Variants in MRRF observed in about 807,000 individuals in gnomAD.
MRRF encodes the protein ribosome-recycling factor, mitochondrial.
In MRRF, 18 loss-of-function variants were observed where a neutral mutation model predicts 25.1. That is an observed-to-expected ratio of 0.72 (90% CI 0.50 to 1.06). The LOEUF (loss-of-function observed/expected upper bound fraction) is 1.06. Ranked by LOEUF, MRRF falls within the 50% of genes least tolerant of loss-of-function variation. The probability of loss-of-function intolerance (pLI) is 0.00; values close to 1 mark genes in which losing one functional copy is unlikely to be tolerated. For synonymous variants in MRRF, 113 were observed against 112.1 expected (o/e 1.01, Z -0.05); for missense variants, 323 against 319.3 (o/e 1.01, Z -0.09).
At chr9:122,270,781 A>G in intron 1 of MRRF, 83 bp from the exon 2 acceptor site, 2 of 1,029,520 alleles carry the variant, frequency 1.9e-6, no homozygotes, top group South Asian at 1.3e-5. Context: ...GAGTTGCTTG[A>G]TAATTGGTAC....
At chr9:122,318,964 G>A (rs10985595) in intron 6 of MRRF, among the ~76,000 whole-genome samples, 1 of 151,814 alleles carries the variant, frequency 6.6e-6, no homozygotes, top group Admixed American at 6.6e-5. Flanking sequence ...TCTCCCCAGT[G>A]TTGTGACTTT....
chr9:122,325,237 C>CTG lies in MRRF; in HGVS notation c.*2626_*2627dup, dbSNP rs1309758245. On this transcript the variant is annotated 3_prime_UTR_variant, in exon 7 of 7. Transcript: ENST00000344641. ...GTTCCACATGTCAACAATTTCTCTC[C>CTG]TGTGTGTATGTTGGCCAAAGCTGTA... The CTG allele has an allele frequency of 1.3e-5, 2 of 152,248 alleles. No homozygotes were observed. Among genetic ancestry groups the CTG allele is most frequent in the East Asian group, 3.9e-4 (2 of 5,194 alleles). The allele number at this position is 152,248 out of a possible 1,614,324, so 9.4% of individuals were successfully genotyped here.
chr9:122,276,698 T>C (rs1832794862), intron 2 of MRRF, among the ~76,000 whole-genome samples: 1 of 152,210 alleles, frequency 6.6e-6, no homozygotes. Context: ...TCATAGAAGG[T>C]CCAAGTGTGC....
In MRRF at chr9:122,325,419, A is replaced by G. The variant is rs1173964160; in HGVS notation, c.*2802A>G. On this transcript the variant is annotated 3_prime_UTR_variant, in exon 7 of 7. Transcript: ENST00000344641. ...TAGTGGTGACAGGGACAAGAATGAG[A>G]CTACCTGTTTGGATGTGCTGAGAAT... is the stretch of plus-strand genomic sequence containing the variant. 3 of 152,224 alleles carry G rather than the reference A, an allele frequency of 2.0e-5. No homozygotes were observed. Among genetic ancestry groups the G allele is most frequent in the African/African-American group, 7.2e-5 (3 of 41,456 alleles). The allele number at this position is 152,224 out of a possible 1,614,324, so 9.4% of individuals were successfully genotyped here.
chr9:122,307,396 C>G (rs1834918134), intron 5 of MRRF, among the ~76,000 whole-genome samples: 2 of 152,230 alleles, frequency 1.3e-5, no homozygotes, highest in Non-Finnish European at 2.9e-5. Flanking sequence ...CCATTGCCTT[C>G]TGCTCTCCTC....
At chr9:122,318,782 A>C (rs1331441118) in intron 6 of MRRF, among the ~76,000 whole-genome samples, 3 of 152,158 alleles carry the variant, frequency 2.0e-5, no homozygotes, top group South Asian at 2.1e-4. Context: ...TGGCTCTTTT[A>C]CTTCTTAGCT....
Position 122,327,623 on chromosome 9 carries a change from T to C in MRRF, c.*5006T>C, listed in dbSNP as rs1445447490. On this transcript the variant is annotated 3_prime_UTR_variant, in exon 7 of 7. Transcript: ENST00000344641. Reference sequence around the variant, plus strand: ...AGTGGTGTGTTTCAGACCCCTGCTATTAACATTTCTGTTCCTTCTTGCATT... The same window carrying C: ...AGTGGTGTGTTTCAGACCCCTGCTACTAACATTTCTGTTCCTTCTTGCATT... 1 of 152,266 alleles carries C rather than the reference T, an allele frequency of 6.6e-6. No individual in the cohort carries two copies. Among genetic ancestry groups the C allele is most frequent in the Admixed American group, 6.5e-5 (1 of 15,294 alleles). The allele number at this position is 152,266 out of a possible 1,614,324, so 9.4% of individuals were successfully genotyped here. A position where few individuals can be genotyped will look rare whatever the true frequency, so the allele number is the denominator to read the frequency against.
Position 122,322,690 on chromosome 9 carries a change from T to G in MRRF, c.*73T>G, listed in dbSNP as rs1835964237. 7 of 1,324,710 alleles carry G rather than the reference T, an allele frequency of 5.3e-6. No individual in the cohort carries two copies. In the South Asian group the frequency reaches 8.4e-5, roughly 16 times the overall value. The allele number at this position is 1,324,710 out of a possible 1,614,324, so 82.1% of individuals were successfully genotyped here. On this transcript the variant is annotated 3_prime_UTR_variant, in exon 7 of 7. Coordinates refer to ENST00000344641, the MANE Select transcript of MRRF (RefSeq NM_138777.5). ...CCCATGGGTGGCACATTGGGACTTC[T>G]CTCCCTCCCCCATCTACACAGAAGA...
rs1836040250 is a variant in MRRF, at chr9:122,324,172, T to C, written c.*1555T>C. ...CCATCTCCCAAGACTGCCAACACTT[T>C]TGATGCCAGTCATGAGTCTGGGCCA... On this transcript the variant is annotated 3_prime_UTR_variant, in exon 7 of 7. Transcript: ENST00000344641. 6.6e-6 allele frequency: 1 copy of C among 152,186 alleles called. No homozygotes were observed. The highest frequency in any genetic ancestry group is 2.4e-5 in the African/African-American group (1 of 41,432). The allele number at this position is 152,186 out of a possible 1,614,324, so 9.4% of individuals were successfully genotyped here.
At chr9:122,310,627 C>T (rs1482249424) in intron 5 of MRRF, among the ~76,000 whole-genome samples, 1 of 152,226 alleles carries the variant, frequency 6.6e-6, no homozygotes, top group Non-Finnish European at 1.5e-5. Flanking sequence ...AAGTTTGTCT[C>T]CACCACTAGT....
intron 6 of MRRF, among the ~76,000 whole-genome samples, chr9:122,313,804 A>T (rs1290313511): frequency 2.0e-5 from 3 of 152,198 alleles, no homozygotes; most frequent in Non-Finnish European, 4.4e-5. Context: ...GTTGCTGAGA[A>T]TTGAGCACTT....
At chr9:122,312,351 T>C (rs1835255759) in intron 5 of MRRF, among the ~76,000 whole-genome samples, 1 of 152,244 alleles carries the variant, frequency 6.6e-6, no homozygotes, top group Non-Finnish European at 1.5e-5. Context: ...TACCTTCAAA[T>C]AGCTGAATCC....
At chr9:122,320,020 G>A (rs188744332) in intron 6 of MRRF, among the ~76,000 whole-genome samples, 11 of 151,750 alleles carry the variant, frequency 7.2e-5, no homozygotes, top group Admixed American at 2.0e-4. Flanking sequence ...GACTACAGGC[G>A]TGTGCCACCA....
intron 5 of MRRF, among the ~76,000 whole-genome samples, chr9:122,305,889 A>G (rs978772157): frequency 2.0e-5 from 3 of 152,226 alleles, no homozygotes; most frequent in Non-Finnish European, 4.4e-5. Context: ...TAAGTATGCA[A>G]TAATGTAATC....
rs116015963 is a variant in MRRF, at chr9:122,288,006, C to T, written c.459+2719C>T. On this transcript the variant is annotated intron_variant, in intron 4 of 6. Transcript: ENST00000344641. ...ACATACAGTTGGCTTTCTTTCCAAA[C>T]CTGAGCATTTCCGTGTCATGCTGTA... 5.4e-3 allele frequency among the ~76,000 whole-genome samples: 829 copies of T among 152,244 alleles called. 3 individuals carry two copies. Among genetic ancestry groups the T allele is most frequent in the African/African-American group, 0.019 (772 of 41,552 alleles).
In MRRF at chr9:122,270,731, T is replaced by G. The variant is rs564175953; in HGVS notation, c.-28-133T>G. On this transcript the variant is annotated intron_variant, in intron 1 of 6. Transcript: ENST00000344641. ...GGGCTGTTGGGAAAAGGATTAGAGA[T>G]AATGTATTTAAATTGTCTAGTACTT... The G allele has an allele frequency of 1.7e-4, 120 of 713,826 alleles. 1 individual carries two copies. In the African/African-American group the frequency reaches 1.9e-3, roughly 11 times the overall value. 44.2% of individuals were successfully genotyped at this position (713,826 alleles called of 1,614,324 possible).
At chr9:122,309,432 TA>T (rs1229667034) in intron 5 of MRRF, among the ~76,000 whole-genome samples, 19 of 152,182 alleles carry the variant, frequency 1.2e-4, no homozygotes, top group African/African-American at 4.6e-4. Flanking sequence ...TTTTTCATCC[TA>T]TAAGAGCTAT....
rs1180785275 is a variant in MRRF at position 122,322,623 on chromosome 9, C to T, written c.*6C>T. On this transcript the variant is annotated 3_prime_UTR_variant, in exon 7 of 7. Transcript: ENST00000344641. ...CCAAAGAACTCCTTGGATGAAAGTC[C>T]ACTGGGGCCAGCAATACTCCAGAGC... 1 of 1,613,894 alleles carries T rather than the reference C, an allele frequency of 6.2e-7. No homozygotes were observed. The highest frequency in any genetic ancestry group is 1.7e-5 in the Admixed American group (1 of 60,016).
At position 122,291,753 on chromosome 9, in the gene MRRF, C is replaced by A; in HGVS notation, c.464C>A (p.Thr155Lys). Residue 155 changes from threonine to lysine, a missense_variant, in exon 5 of 7, where the codon ACA becomes AAA. Physicochemically the swap from Thr to Lys is moderately conservative, Grantham distance 78. Coordinates refer to ENST00000344641, the MANE Select transcript of MRRF (RefSeq NM_138777.5). ...ACCTTTTGATCTGGTTTTCAGTGTA[C>A]AGCTGCAGCTATCAAGGCTATAAGA... is the stretch of plus-strand genomic sequence containing the variant. ...LVNMASFPEC[T>K]AAAIKAIRES... 1 of 1,610,028 alleles carries A rather than the reference C, an allele frequency of 6.2e-7. No individual in the cohort carries two copies. Among genetic ancestry groups the A allele is most frequent in the Non-Finnish European group, 8.5e-7 (1 of 1,176,302 alleles).
Sources: gnomAD v4.1 joint callset for allele counts (sites outside exome capture counted in the v4.1 genomes callset) on GRCh38, gnomAD v4.1.1 for gene constraint, MANE v1.5 for transcripts, NCBI Gene and HGNC (gene_info 2026-07-23, HGNC 2026-07-21) for gene names.